CSMD1: variants seen among roughly 807,000 people sequenced by gnomAD.
CSMD1 encodes the protein CUB and sushi domain-containing protein 1.
CSMD1 carries 213 observed loss-of-function variants against 417.5 expected under a neutral mutation model. The ratio of observed to expected loss-of-function variants is 0.51; its 90% confidence interval spans 0.46 to 0.57. The LOEUF (loss-of-function observed/expected upper bound fraction) is 0.57. CSMD1 is among the 20% of genes least tolerant of loss of function. CSMD1 has a pLI of 0.00. For missense variants in CSMD1, 6,923 were observed against 4,529.7 expected (o/e 1.53, Z -15.17); for synonymous variants, 2,862 against 1,736.8 (o/e 1.65, Z -16.11).
chr8:3,698,694 T>A (rs547229782), intron 7 of CSMD1, among the ~76,000 whole-genome samples: 2 of 152,304 alleles, frequency 1.3e-5, no homozygotes, highest in African/African-American at 4.8e-5. Context: ...CTTAATAATA[T>A]TATTGTGAAG....
rs374385872 is a variant in CSMD1 at position 2,949,284 on chromosome 8, C to T, written c.10402+15G>A. 1.2e-4 allele frequency: 172 copies of T among 1,450,394 alleles called. No homozygotes were observed. Among genetic ancestry groups the T allele is most frequent in the Middle Eastern group, 1.7e-4 (1 of 5,732 alleles). The allele number at this position is 1,450,394 out of a possible 1,614,324, so 89.8% of individuals were successfully genotyped here. ...ACTGATATTTGCTTTAAAATATATC[C>T]TAAGTGCAACTTACCTTGCCTTTCT... On this transcript the variant is annotated intron_variant, in intron 68 of 69. Transcript: ENST00000635120.
At chr8:3,259,905 C>G (rs565630430) in intron 26 of CSMD1, among the ~76,000 whole-genome samples, 1 of 152,230 alleles carries the variant, frequency 6.6e-6, no homozygotes, top group South Asian at 2.1e-4. Flanking sequence ...AAACACATCT[C>G]TGACCACTCA....
chr8:2,947,519 T>C (rs1026295648), intron 68 of CSMD1, among the ~76,000 whole-genome samples: 8 of 152,112 alleles, frequency 5.3e-5, no homozygotes, highest in Non-Finnish European at 8.8e-5. Flanking sequence ...AGAATAAAAA[T>C]CCCTTGTTAA....
At chr8:4,275,678 G>T (rs1434064573) in intron 3 of CSMD1, among the ~76,000 whole-genome samples, 2 of 152,110 alleles carry the variant, frequency 1.3e-5, no homozygotes, top group African/African-American at 4.8e-5. Context: ...TATACGTTTT[G>T]CAAAGCTTGT....
chr8:4,070,641 G>A (rs992541796), intron 3 of CSMD1, among the ~76,000 whole-genome samples: 1 of 152,110 alleles, frequency 6.6e-6, no homozygotes, highest in Non-Finnish European at 1.5e-5. Context: ...ACAGGCGTGA[G>A]CCACCGTGCC....
At chr8:4,850,682 C>T (rs1801420407) in intron 1 of CSMD1, among the ~76,000 whole-genome samples, 1 of 150,224 alleles carries the variant, frequency 6.7e-6, no homozygotes, top group Non-Finnish European at 1.5e-5. Flanking sequence ...TTAGCTTTGT[C>T]TCTCTCTCTC....
intron 2 of CSMD1, among the ~76,000 whole-genome samples, chr8:4,540,488 G>C (rs996888940): frequency 6.6e-6 from 1 of 151,852 alleles, no homozygotes; most frequent in Admixed American, 6.6e-5. Flanking sequence ...AGAATGGCTT[G>C]AGCCCAGGAG....
At chr8:4,362,321 G>T (rs7815269) in intron 3 of CSMD1, among the ~76,000 whole-genome samples, 114,245 of 151,910 alleles carry the variant, frequency 0.75, 43,487 homozygotes, top group African/African-American at 0.88. Flanking sequence ...CCCTGGGGTT[G>T]TAACTGAACC....
intron 1 of CSMD1, among the ~76,000 whole-genome samples, chr8:4,658,427 G>C (rs1369089017): frequency 6.6e-6 from 1 of 152,074 alleles, no homozygotes; most frequent in African/African-American, 2.4e-5. Flanking sequence ...ATTCCTGGAG[G>C]CCAGAAGCAA....
chr8:3,712,394 GAGAGAGACAGAC>G (rs1230305863), intron 6 of CSMD1, among the ~76,000 whole-genome samples: 72 of 78,442 alleles, frequency 9.2e-4, no homozygotes, highest in South Asian at 4.7e-3. Flanking sequence ...GAGAGAGAGA[GAGAGAGACAGAC>G]AGACAGACAG....
Position 3,799,415 on chromosome 8 carries a change from G to A in CSMD1, c.819-45373C>T, listed in dbSNP as rs118009778. Among the ~76,000 whole-genome samples the A allele has an allele frequency of 0.01, 1,105 of 109,638 alleles. 49 individuals carry two copies. The East Asian group carries it at 0.13, about 13-fold the overall frequency. 71.9% of individuals were successfully genotyped at this position (109,638 alleles called of 152,430 possible). On this transcript the variant is annotated intron_variant, in intron 5 of 69. Transcript: ENST00000635120. ...TCCCCCCTCCCCCCACCCCACGACA[G>A]GCCTTAGTGTGTGATGTTCCCCTTC...
chr8:4,157,167 G>A (rs1006417348), intron 3 of CSMD1, among the ~76,000 whole-genome samples: 13 of 152,256 alleles, frequency 8.5e-5, no homozygotes, highest in Admixed American at 4.6e-4. Context: ...AACATCAGAA[G>A]AAGATTTTGG....
chr8:3,488,131 C>T (rs1228251031), intron 11 of CSMD1, among the ~76,000 whole-genome samples: 2 of 135,852 alleles, frequency 1.5e-5, no homozygotes, highest in African/African-American at 5.5e-5. Flanking sequence ...GAAATAGTGT[C>T]TTGCTCTGTT....
rs561774360 is a variant in CSMD1, at chr8:4,079,628, T to C, written c.416-47529A>G. 5.3e-5 allele frequency among the ~76,000 whole-genome samples: 8 copies of C among 152,356 alleles called. No individual in the cohort carries two copies. The South Asian group carries it at 1.7e-3, about 32-fold the overall frequency. On this transcript the variant is annotated intron_variant, in intron 3 of 69. Transcript: ENST00000635120. ...AAAGATTTCTTCATGGAGAATTAGC[T>C]AAATTGATACACAGACACATTGTTT...
chr8:4,170,826 CT>C (rs1398470979), intron 3 of CSMD1, among the ~76,000 whole-genome samples: 2 of 151,844 alleles, frequency 1.3e-5, no homozygotes, highest in South Asian at 2.1e-4. Flanking sequence ...ATGATCTTCT[CT>C]CATTTATAAC....
intron 5 of CSMD1, among the ~76,000 whole-genome samples, chr8:3,825,243 T>C (rs1801985361): frequency 6.6e-6 from 1 of 152,078 alleles, no homozygotes; most frequent in African/African-American, 2.4e-5. Context: ...CAAGAGCCCT[T>C]GAGAGGCCGG....
chr8:3,342,307 T>A (rs972652027), intron 23 of CSMD1, among the ~76,000 whole-genome samples: 5 of 152,308 alleles, frequency 3.3e-5, no homozygotes, highest in Admixed American at 1.3e-4. Flanking sequence ...ATGATTATTA[T>A]CTTTTGCAGG....
chr8:3,180,705 G>A (rs1454004252), intron 37 of CSMD1, among the ~76,000 whole-genome samples: 1 of 151,988 alleles, frequency 6.6e-6, no homozygotes, highest in Non-Finnish European at 1.5e-5. Flanking sequence ...GTGCAATCTT[G>A]GCTCATGGCA....
chr8:3,291,307 C>G (rs143214182), intron 25 of CSMD1, among the ~76,000 whole-genome samples: 202 of 152,206 alleles, frequency 1.3e-3, no homozygotes, highest in African/African-American at 4.5e-3. Flanking sequence ...GTGTCTCTGT[C>G]AGGCTTTGCT....
Sources: allele counts gnomAD v4.1 joint callset (sites outside exome capture counted in the v4.1 genomes callset), GRCh38; gene constraint gnomAD v4.1.1; transcripts MANE v1.5; gene names NCBI Gene and HGNC (gene_info 2026-07-23, HGNC 2026-07-21).